Variants in GNB1 observed in about 807,000 individuals in gnomAD.
GNB1 encodes the protein G protein subunit beta 1, also known as guanine nucleotide-binding protein G(I)/G(S)/G(T) subunit beta-1.
Under a neutral mutation model 42.9 loss-of-function variants are expected in GNB1, and 2 were observed. That is an observed-to-expected ratio of 0.05 (90% CI 0.02 to 0.15). The LOEUF is 0.15. Ranked by LOEUF, GNB1 falls within the 10% of genes least tolerant of loss-of-function variation. The pLI is 1.00. For synonymous variants in GNB1, 183 were observed against 174.7 expected (o/e 1.05, Z -0.38); for missense variants, 193 against 462.2 (o/e 0.42, Z 5.34).
chr1:1,796,130 A>G (rs1453886108), intron 7 of GNB1, among the ~76,000 whole-genome samples: 5 of 152,186 alleles, frequency 3.3e-5, no homozygotes, highest in Non-Finnish European at 7.3e-5. Flanking sequence ...ACTTTTTCTT[A>G]TAAGATATGT....
intron 1 of GNB1, among the ~76,000 whole-genome samples, chr1:1,845,364 G>C (rs986401960): frequency 3.9e-5 from 6 of 152,082 alleles, no homozygotes; most frequent in Non-Finnish European, 7.4e-5. Flanking sequence ...ACGAGGTCAG[G>C]AGATTGAGAC....
At chr1:1,885,350 T>C (rs1650088170) in intron 1 of GNB1, among the ~76,000 whole-genome samples, 1 of 150,434 alleles carries the variant, frequency 6.6e-6, no homozygotes, top group Admixed American at 6.6e-5. Context: ...GAGGCAGAAG[T>C]TGCAGTGAGC....
intron 7 of GNB1, among the ~76,000 whole-genome samples, chr1:1,795,206 C>T (rs924525615): frequency 6.6e-5 from 10 of 152,146 alleles, no homozygotes; most frequent in African/African-American, 1.4e-4. Context: ...AGCTTGCTGT[C>T]GTGCCCCGCA....
chr1:1,864,488 C>T (rs777725900), intron 1 of GNB1, among the ~76,000 whole-genome samples: 4 of 152,010 alleles, frequency 2.6e-5, no homozygotes, highest in Admixed American at 6.6e-5. Flanking sequence ...ACTATCATCA[C>T]AAGTTATTCC....
rs760338424 is a variant in GNB1, at chr1:1,793,341, T to A, written c.431-30A>T. The A allele has an allele frequency of 4.5e-6, 7 of 1,542,854 alleles. No homozygotes were observed. The South Asian group carries it at 7.9e-5, about 17-fold the overall frequency. The stretch of plus-strand genomic sequence containing the variant: ...CAAAGAACAGGCCTAAGTGATGAGC[T>A]GAATCCAGCAGGCCTTGCACCCAGC... On this transcript the variant is annotated intron_variant, in intron 7 of 11. Transcript: ENST00000378609.
intron 1 of GNB1, among the ~76,000 whole-genome samples, chr1:1,860,364 C>A (rs969704519): frequency 4.9e-4 from 75 of 152,068 alleles, no homozygotes; most frequent in African/African-American, 1.8e-3. Context: ...TTACTCATAC[C>A]CAAACTTGAG....
rs183043703 is a variant in GNB1 at position 1,886,764 on chromosome 1, T to C, written c.-96+4056A>G. 3.0e-3 allele frequency among the ~76,000 whole-genome samples: 454 copies of C among 152,344 alleles called. 2 individuals are homozygous for C. Among genetic ancestry groups the C allele is most frequent in the African/African-American group, 9.7e-3 (405 of 41,584 alleles). ...CTGTGTCGCCCAGGCTGGAGTGCAGTGGCCGATCTTGGCTCACTGCAAGCT... is the reference window on the plus strand; with the variant it reads ...CTGTGTCGCCCAGGCTGGAGTGCAGCGGCCGATCTTGGCTCACTGCAAGCT... On this transcript the variant is annotated intron_variant, in intron 1 of 11. Transcript: ENST00000378609.
At chr1:1,873,155 C>T (rs1316361120) in intron 1 of GNB1, among the ~76,000 whole-genome samples, 1 of 152,138 alleles carries the variant, frequency 6.6e-6, no homozygotes, top group Non-Finnish European at 1.5e-5. Context: ...CCACCTTGGC[C>T]TCCCAAAGGG....
chr1:1,832,098 TA>T (rs1647084411), intron 2 of GNB1: 2 of 148,044 alleles, frequency 1.4e-5, no homozygotes, highest in Non-Finnish European at 3.0e-5. Context: ...AAAAGAAAAA[TA>T]TACTCACTTT....
At chr1:1,851,238 A>G (rs953686887) in intron 1 of GNB1, among the ~76,000 whole-genome samples, 1 of 151,988 alleles carries the variant, frequency 6.6e-6, no homozygotes, top group Non-Finnish European at 1.5e-5. Flanking sequence ...TGGAGAAACC[A>G]TATCTCTACT....
intron 1 of GNB1, chr1:1,839,584 C>T (rs940736697): frequency 6.6e-6 from 1 of 152,112 alleles, no homozygotes; most frequent in Non-Finnish European, 1.5e-5. Flanking sequence ...CAGTGGCTAA[C>T]CCCTGCAATC....
chr1:1,851,511 A>G (rs1368420281), intron 1 of GNB1, among the ~76,000 whole-genome samples: 2 of 151,640 alleles, frequency 1.3e-5, no homozygotes, highest in Non-Finnish European at 2.9e-5. Context: ...AACCTGGGAT[A>G]CCACTGCACT....
At chr1:1,860,328 C>T (rs1022242907) in intron 1 of GNB1, among the ~76,000 whole-genome samples, 4 of 152,110 alleles carry the variant, frequency 2.6e-5, no homozygotes, top group Admixed American at 1.3e-4. Flanking sequence ...CTGTTGGGTA[C>T]TATGCTTAGT....
chr1:1,818,188 C>T (rs1032349352), intron 3 of GNB1: 1 of 236,954 alleles, frequency 4.2e-6, no homozygotes, highest in African/African-American at 2.2e-5. Flanking sequence ...CACCCACACA[C>T]CCGGGACCCT....
chr1:1,803,581 G>A (rs771945810), intron 7 of GNB1, among the ~76,000 whole-genome samples: 7 of 152,132 alleles, frequency 4.6e-5, no homozygotes, highest in South Asian at 2.1e-4. Context: ...CATGTCCAGC[G>A]CAAATCCACA....
At chr1:1,809,804 GC>G (rs746670140) in intron 5 of GNB1, among the ~76,000 whole-genome samples, 4 of 152,146 alleles carry the variant, frequency 2.6e-5, no homozygotes, top group African/African-American at 7.2e-5. Flanking sequence ...GCCTAGTAGT[GC>G]CTTTACCTAC....
intron 1 of GNB1, among the ~76,000 whole-genome samples, chr1:1,887,505 G>A (rs1650222203): frequency 1.3e-5 from 2 of 152,232 alleles, no homozygotes; most frequent in Non-Finnish European, 2.9e-5. Context: ...TTGCAGGATA[G>A]TACAACATCT....
intron 3 of GNB1, among the ~76,000 whole-genome samples, chr1:1,822,516 C>T (rs570424308): frequency 7.2e-5 from 11 of 152,082 alleles, no homozygotes; most frequent in African/African-American, 2.7e-4. Context: ...GGGGTTTCAC[C>T]GTGTTAGCCA....
chr1:1,793,247 C>T lies in GNB1; in HGVS notation c.495G>A (p.Thr165=), dbSNP rs143709588. ...NQIVTSSGDT[T]CALWDIETGQ... ...CCTGCCCCGGGTCAGGTACTTACCA[C>T]GTGGTGTCTCCAGAGCTGGTGACGA... The change falls in exon 8 of 12, where the codon ACG becomes ACA. Residue 165 remains threonine, a splice_region_variant and synonymous_variant. Coordinates refer to ENST00000378609, the MANE Select transcript of GNB1 (RefSeq NM_002074.5). 1.4e-3 allele frequency: 2,286 copies of T among 1,609,700 alleles called. 1 individual carries two copies. Among genetic ancestry groups the T allele is most frequent in the Non-Finnish European group, 1.8e-3 (2,132 of 1,176,634 alleles).
Sources: gnomAD v4.1 joint callset for allele counts (sites outside exome capture counted in the v4.1 genomes callset) on GRCh38, gnomAD v4.1.1 for gene constraint, MANE v1.5 for transcripts, NCBI Gene and HGNC (gene_info 2026-07-23, HGNC 2026-07-21) for gene names.